ESRRG: variants seen among roughly 807,000 people sequenced by gnomAD.
ESRRG encodes the protein estrogen-related receptor gamma.
ESRRG carries 13 observed loss-of-function variants against 44.0 expected under a neutral mutation model. That is an observed-to-expected ratio of 0.30 (90% confidence interval 0.19 to 0.47). ESRRG has a LOEUF of 0.47. Among genes scored for constraint, ESRRG ranks in the 20% least tolerant of loss-of-function variants. The pLI is 1.00. For missense variants in ESRRG, 395 were observed against 580.6 expected (o/e 0.68, Z 3.29); for synonymous variants, 215 against 214.6 (o/e 1.00, Z -0.02).
At chr1:217,062,925 G>A (rs2088852026) in intron 1 of ESRRG, among the ~76,000 whole-genome samples, 3 of 152,164 alleles carry the variant, frequency 2.0e-5, no homozygotes, top group Non-Finnish European at 2.9e-5. Flanking sequence ...TGAAAACAAG[G>A]ATAAGGTGCA....
chr1:217,069,092 G>C (rs973899359), intron 1 of ESRRG, among the ~76,000 whole-genome samples: 3 of 152,214 alleles, frequency 2.0e-5, no homozygotes, highest in African/African-American at 7.2e-5. Flanking sequence ...ATTTGAGTCA[G>C]TGGACTGGGA....
At chr1:217,020,943 C>T (rs1001378088) in intron 1 of ESRRG, among the ~76,000 whole-genome samples, 6 of 151,994 alleles carry the variant, frequency 3.9e-5, no homozygotes, top group Non-Finnish European at 5.9e-5. Context: ...AAACCCAGAT[C>T]ATGAGGATCA....
At chr1:217,131,672 A>G (rs2092968677) in intron 1 of ESRRG, among the ~76,000 whole-genome samples, 1 of 152,238 alleles carries the variant, frequency 6.6e-6, no homozygotes, top group Non-Finnish European at 1.5e-5. Context: ...TCAGTGGTCA[A>G]CTTCTAAAAA....
rs1332921688 is a variant in ESRRG at position 216,825,187 on chromosome 1, A to G, written c.-14+114395T>C. ...CAGGCATCATTACCTCTACATGTCA[A>G]TTGTGAAAGCTTCTGGGCCCAGAGA... On this transcript the variant is annotated intron_variant, in intron 2 of 7. Coordinates refer to the ESRRG transcript ENST00000359162. Among the ~76,000 whole-genome samples the G allele has an allele frequency of 3.9e-5, 6 of 152,170 alleles. No individual in the cohort carries two copies. In the East Asian group the frequency reaches 5.8e-4, roughly 15 times the overall value.
At chr1:217,031,557 C>T (rs2082064886) in intron 1 of ESRRG, among the ~76,000 whole-genome samples, 2 of 152,226 alleles carry the variant, frequency 1.3e-5, no homozygotes, top group African/African-American at 4.8e-5. Flanking sequence ...AAACATATGA[C>T]AACTTTAATC....
At chr1:216,517,976 A>G (rs1313238829) in intron 6 of ESRRG, among the ~76,000 whole-genome samples, 1 of 152,172 alleles carries the variant, frequency 6.6e-6, no homozygotes, top group Non-Finnish European at 1.5e-5. Context: ...GGATTCATGC[A>G]TCAATATTGT....
At chr1:217,098,437 A>G (rs2092457541) in intron 1 of ESRRG, among the ~76,000 whole-genome samples, 1 of 152,326 alleles carries the variant, frequency 6.6e-6, no homozygotes, top group East Asian at 1.9e-4. Context: ...AGCCAAAAAG[A>G]AAGCTTAGCT....
At chr1:217,012,991 G>A (rs1415138396) in intron 1 of ESRRG, among the ~76,000 whole-genome samples, 1 of 152,134 alleles carries the variant, frequency 6.6e-6, no homozygotes, top group African/African-American at 2.4e-5. Flanking sequence ...ACAGATGGTT[G>A]TCTTCTCCAT....
At chr1:216,507,288 C>T in intron 6 of ESRRG, 105 bp from the exon 7 acceptor site, 1 of 750,570 alleles carries the variant, frequency 1.3e-6, no homozygotes, top group East Asian at 2.9e-5. Context: ...TTGAACTTCT[C>T]TGAGCTTGAA....
upstream of ESRRG, chr1:216,723,489 G>T (rs1485573375): frequency 3.2e-5 from 19 of 593,898 alleles, no homozygotes; most frequent in Non-Finnish European, 5.7e-5. Flanking sequence ...ATGAAGTAGG[G>T]CTTTACATAT....
At chr1:216,760,968 C>T (rs140274501) in intron 2 of ESRRG, among the ~76,000 whole-genome samples, 2 of 152,106 alleles carry the variant, frequency 1.3e-5, no homozygotes, top group African/African-American at 4.8e-5. Flanking sequence ...TCAAGGGCTG[C>T]AAGTCTCTCG....
chr1:216,537,823 A>G (rs1393988813), intron 5 of ESRRG, among the ~76,000 whole-genome samples: 1 of 152,080 alleles, frequency 6.6e-6, no homozygotes. Flanking sequence ...TCACCTGACT[A>G]AAATTATTAG....
chr1:217,009,923 C>G (rs2078312671), intron 1 of ESRRG, among the ~76,000 whole-genome samples: 1 of 151,970 alleles, frequency 6.6e-6, no homozygotes, highest in Non-Finnish European at 1.5e-5. Flanking sequence ...CCAGGCTGGT[C>G]TCAAACTCAT....
chr1:217,074,202 C>T (rs959095885), intron 1 of ESRRG, among the ~76,000 whole-genome samples: 3 of 151,892 alleles, frequency 2.0e-5, no homozygotes, highest in Non-Finnish European at 4.4e-5. Flanking sequence ...TGCCCACCAC[C>T]GTGCCTGGCT....
intron 1 of ESRRG, among the ~76,000 whole-genome samples, chr1:216,940,018 C>T (rs181329162): frequency 1.3e-5 from 2 of 152,060 alleles, no homozygotes; most frequent in African/African-American, 2.4e-5. Context: ...ATTATAATAC[C>T]CATATATAAC....
chr1:216,736,695 C>A (rs1470309960), intron 2 of ESRRG, among the ~76,000 whole-genome samples: 1 of 152,104 alleles, frequency 6.6e-6, no homozygotes. Flanking sequence ...CAAGAGGGAA[C>A]CGGTGCAGAG....
chr1:216,624,650 A>T (rs918479992), intron 3 of ESRRG, among the ~76,000 whole-genome samples: 1 of 152,202 alleles, frequency 6.6e-6, no homozygotes, highest in African/African-American at 2.4e-5. Context: ...TACATAACCG[A>T]ACCTTCATCT....
Position 216,505,293 on chromosome 1 carries a change from C to T in ESRRG, c.*1646G>A, listed in dbSNP as rs2041007698. The stretch of plus-strand genomic sequence containing the variant: ...ATTACACCTCTTAACAGTCTGGAAC[C>T]TGACTTGACTTTCATGCTGTGACAA... On this transcript the variant is annotated 3_prime_UTR_variant, in exon 7 of 7. Coordinates refer to ENST00000408911, the MANE Select transcript of ESRRG (RefSeq NM_001438.4). 1 of 152,582 alleles carries T rather than the reference C, an allele frequency of 6.6e-6. No homozygotes were observed. Among genetic ancestry groups the T allele is most frequent in the South Asian group, 2.1e-4 (1 of 4,836 alleles). 9.5% of individuals were successfully genotyped at this position (152,582 alleles called of 1,614,324 possible). A position where few individuals can be genotyped will look rare whatever the true frequency, so the allele number is the denominator to read the frequency against.
intron 1 of ESRRG, among the ~76,000 whole-genome samples, chr1:217,094,862 A>T (rs925643170): frequency 1.3e-5 from 2 of 152,242 alleles, no homozygotes; most frequent in Non-Finnish European, 2.9e-5. Context: ...CATCTCACCA[A>T]AGACCAAATT....
Sources: allele counts gnomAD v4.1 joint callset (sites outside exome capture counted in the v4.1 genomes callset), GRCh38; gene constraint gnomAD v4.1.1; transcripts MANE v1.5; gene names NCBI Gene and HGNC (gene_info 2026-07-23, HGNC 2026-07-21).